Variants in NUP37 observed in about 807,000 individuals in gnomAD.
NUP37 encodes the protein nucleoporin Nup37.
In NUP37, 33 loss-of-function variants were observed where a neutral mutation model predicts 45.4. The ratio of observed to expected loss-of-function variants is 0.73; its 90% CI spans 0.55 to 0.97. The LOEUF (loss-of-function observed/expected upper bound fraction) is 0.97. NUP37 is among the 50% of genes least tolerant of loss of function. The pLI, the probability that NUP37 is intolerant of heterozygous loss-of-function variation, is 0.00. For synonymous variants in NUP37, 127 were observed against 130.7 expected (o/e 0.97, Z 0.19); for missense variants, 365 against 389.7 (o/e 0.94, Z 0.53).
At chr12:102,098,983 T>C in intron 5 of NUP37, 123 bp downstream of exon 5, 1 of 725,266 alleles carries the variant, frequency 1.4e-6, no homozygotes, top group Non-Finnish European at 2.5e-6. Flanking sequence ...TCAAATAAGG[T>C]ATGCTTCTTT....
intron 3 of NUP37, among the ~76,000 whole-genome samples, chr12:102,108,489 G>C (rs1282200809): frequency 6.6e-6 from 1 of 152,192 alleles, no homozygotes; most frequent in Admixed American, 6.5e-5. Flanking sequence ...TCAGCTTGCA[G>C]ACGCCTTATT....
intron 3 of NUP37, among the ~76,000 whole-genome samples, chr12:102,105,324 A>C (rs1017660443): frequency 2.0e-5 from 3 of 151,988 alleles, no homozygotes; most frequent in African/African-American, 7.3e-5. Flanking sequence ...CAGGCGTTCC[A>C]GACCAGCCTG....
intron 6 of NUP37, among the ~76,000 whole-genome samples, chr12:102,082,239 G>T (rs1156615755): frequency 6.6e-6 from 1 of 151,742 alleles, no homozygotes; most frequent in Non-Finnish European, 1.5e-5. Context: ...TGATCTTACG[G>T]CTTTTTTTAT....
At chr12:102,112,710 G>A (rs987486440) in intron 2 of NUP37, among the ~76,000 whole-genome samples, 5 of 151,852 alleles carry the variant, frequency 3.3e-5, no homozygotes, top group Admixed American at 1.3e-4. Flanking sequence ...TACCAGAACC[G>A]GATTATCTAC....
chr12:102,098,540 T>C (rs1879879101), intron 5 of NUP37, among the ~76,000 whole-genome samples: 1 of 152,048 alleles, frequency 6.6e-6, no homozygotes, highest in South Asian at 2.1e-4. Flanking sequence ...TTTGTGTTTT[T>C]TTTTTTTTTG....
At chr12:102,082,499 CTG>C (rs371168497) in intron 6 of NUP37, among the ~76,000 whole-genome samples, 19 of 152,188 alleles carry the variant, frequency 1.2e-4, no homozygotes, top group African/African-American at 4.6e-4. Context: ...CTAAAATTGA[CTG>C]AGTGCTTACT....
chr12:102,107,975 T>A (rs2136749523), intron 3 of NUP37, among the ~76,000 whole-genome samples: 1 of 152,330 alleles, frequency 6.6e-6, no homozygotes, highest in Non-Finnish European at 1.5e-5. Flanking sequence ...TCTCTTGACC[T>A]CTGTGATTTC....
intron 5 of NUP37, among the ~76,000 whole-genome samples, chr12:102,091,869 TTTTAC>T (rs1347232343): frequency 2.0e-5 from 3 of 152,224 alleles, no homozygotes; most frequent in African/African-American, 4.8e-5. Flanking sequence ...ATTATGCTTA[TTTTAC>T]TTTTAGTATT....
rs1879095697 is a variant in NUP37, at chr12:102,073,877, C to T, written c.*477G>A. 6.6e-6 allele frequency: 1 copy of T among 151,876 alleles called. No homozygotes were observed. Among genetic ancestry groups the T allele is most frequent in the African/African-American group, 2.4e-5 (1 of 41,328 alleles). The allele number at this position is 151,876 out of a possible 1,614,324, so 9.4% of individuals were successfully genotyped here. A position where few individuals can be genotyped will look rare whatever the true frequency, so the allele number is the denominator to read the frequency against. On this transcript the variant is annotated 3_prime_UTR_variant, in exon 10 of 10. Transcript: ENST00000552283. ...AGAGATAGGGTTTCACCATGTTGGC[C>T]AGGTTGGTCTTGAACTCCTCACCTC...
intron 5 of NUP37, 111 bp downstream of exon 5, chr12:102,098,995 A>G: frequency 1.3e-6 from 1 of 776,286 alleles, no homozygotes; most frequent in Non-Finnish European, 2.2e-6. Context: ...TGCTTCTTTT[A>G]CAACACTCTA....
At chr12:102,080,019 A>G (rs1175504625) in intron 6 of NUP37, among the ~76,000 whole-genome samples, 1 of 152,242 alleles carries the variant, frequency 6.6e-6, no homozygotes, top group Non-Finnish European at 1.5e-5. Flanking sequence ...AAATCTGTGA[A>G]TAATGAAGAT....
At position 102,077,333 on chromosome 12, in the gene NUP37, A is replaced by C. The variant is rs1211949352; in HGVS notation, c.711T>G (p.Ile237Met). ...VAGNDWLIWD[I>M]TRSSYPQNKR... ...TATCAAGAAAGTACCTGGACCGAGT[A>C]ATATCCCAAATTAACCAATCATTTC... The change falls in exon 7 of 10, where the codon ATT (isoleucine) becomes ATG (methionine). Residue 237 changes from isoleucine to methionine, a missense_variant. Physicochemically the swap from Ile to Met is conservative, Grantham distance 10 (BLOSUM62 1). Coordinates refer to ENST00000552283, the MANE Select transcript of NUP37 (RefSeq NM_024057.4). The C allele has an allele frequency of 1.2e-6, 2 of 1,614,098 alleles. No homozygotes were observed. The highest frequency in any genetic ancestry group is 2.2e-5 in the South Asian group (2 of 91,084).
At chr12:102,080,483 CTAA>C (rs1410210127) in intron 6 of NUP37, among the ~76,000 whole-genome samples, 1 of 152,112 alleles carries the variant, frequency 6.6e-6, no homozygotes, top group Non-Finnish European at 1.5e-5. Context: ...TAAGATAATA[CTAA>C]TGCTACTAAC....
chr12:102,076,926 T>C, intron 7 of NUP37, 79 bp from the exon 8 acceptor site: 1 of 991,168 alleles, frequency 1.0e-6, no homozygotes, highest in South Asian at 1.4e-5. Flanking sequence ...CAGTATTTTC[T>C]CTTTATAGGA....
intron 6 of NUP37, 42 bp from the exon 7 acceptor site, chr12:102,077,545 C>T: frequency 4.5e-6 from 7 of 1,548,226 alleles, no homozygotes; most frequent in Non-Finnish European, 6.2e-6. Flanking sequence ...TCACTTATCT[C>T]ACTAACTATA....
intron 3 of NUP37, among the ~76,000 whole-genome samples, 173 bp from the exon 4 acceptor site, chr12:102,101,277 C>T (rs759687035): frequency 4.6e-5 from 7 of 151,982 alleles, no homozygotes; most frequent in African/African-American, 7.3e-5. Context: ...AAGTATTATA[C>T]AGCCATCACA....
At chr12:102,077,787 A>C (rs1269679360) in intron 6 of NUP37, among the ~76,000 whole-genome samples, 1 of 152,234 alleles carries the variant, frequency 6.6e-6, no homozygotes, top group Non-Finnish European at 1.5e-5. Context: ...GGTCATGTGT[A>C]TAAGGTATAC....
chr12:102,119,119 A>G (rs528043647), intron 1 of NUP37: 3 of 152,262 alleles, frequency 2.0e-5, no homozygotes, highest in Non-Finnish European at 4.4e-5. Flanking sequence ...GCTAATGAAG[A>G]AAAAAACAGC....
At chr12:102,101,870 G>A (rs887523465) in intron 3 of NUP37, among the ~76,000 whole-genome samples, 1 of 151,626 alleles carries the variant, frequency 6.6e-6, no homozygotes, top group African/African-American at 2.4e-5. Context: ...GATTACAGGC[G>A]CCCACCACCA....
Sources: allele counts gnomAD v4.1 joint callset (sites outside exome capture counted in the v4.1 genomes callset), GRCh38; gene constraint gnomAD v4.1.1; transcripts MANE v1.5; gene names NCBI Gene and HGNC (gene_info 2026-07-23, HGNC 2026-07-21).